UTRN: variants seen among roughly 807,000 people sequenced by gnomAD.
UTRN encodes dystrophin-related protein 1.
In UTRN, 283 loss-of-function variants were observed where a neutral mutation model predicts 463.9. That is an observed-to-expected ratio of 0.61 (90% CI 0.55 to 0.67). The LOEUF (loss-of-function observed/expected upper bound fraction) is 0.67. UTRN is among the 30% of genes least tolerant of loss of function. The probability of loss-of-function intolerance (pLI) is 0.00; values close to 1 mark genes in which losing one functional copy is unlikely to be tolerated. For missense variants in UTRN, 3,922 were observed against 4,084.3 expected (o/e 0.96, Z 1.08); for synonymous variants, 1,442 against 1,431.5 (o/e 1.01, Z -0.17).
chr6:144,632,454 CT>C (rs1204277276), intron 51 of UTRN, among the ~76,000 whole-genome samples: 6 of 151,652 alleles, frequency 4.0e-5, no homozygotes, highest in African/African-American at 1.2e-4. Context: ...TTTTTTTCTA[CT>C]TTTTTTTCCT....
chr6:144,443,596 A>G (rs1007520013), intron 13 of UTRN, among the ~76,000 whole-genome samples: 6 of 152,084 alleles, frequency 3.9e-5, no homozygotes, highest in Non-Finnish European at 2.9e-5. Context: ...GTAAAATTGT[A>G]ATAAAATGAT....
chr6:144,462,052 C>T, intron 22 of UTRN, among the ~76,000 whole-genome samples: 1 of 152,042 alleles, frequency 6.6e-6, no homozygotes, highest in East Asian at 1.9e-4. Flanking sequence ...TGATGCTTTC[C>T]CTCCCACCAT....
intron 45 of UTRN, 55 bp downstream of exon 45, chr6:144,539,498 A>T: frequency 6.6e-7 from 1 of 1,509,384 alleles, no homozygotes; most frequent in African/African-American, 1.4e-5. Context: ...TTGTTGTCAG[A>T]GATGTGGGAT....
chr6:144,761,677 AG>A (rs1444838166), intron 58 of UTRN, among the ~76,000 whole-genome samples: 1 of 151,890 alleles, frequency 6.6e-6, no homozygotes, highest in Admixed American at 6.6e-5. Context: ...TAATAAATAA[AG>A]AGAGAGAGAA....
intron 2 of UTRN, among the ~76,000 whole-genome samples, chr6:144,367,851 G>A (rs771316910): frequency 5.9e-5 from 9 of 151,954 alleles, no homozygotes; most frequent in Non-Finnish European, 1.0e-4. Context: ...GTGCGATCTC[G>A]GCTCACTCCA....
intron 3 of UTRN, among the ~76,000 whole-genome samples, chr6:144,413,696 T>C (rs1784114704): frequency 6.6e-6 from 1 of 152,214 alleles, no homozygotes; most frequent in African/African-American, 2.4e-5. Context: ...TGCTTTCAGT[T>C]GTAGAAATGT....
At chr6:144,362,977 G>T (rs541885106) in intron 2 of UTRN, among the ~76,000 whole-genome samples, 1 of 151,992 alleles carries the variant, frequency 6.6e-6, no homozygotes, top group East Asian at 1.9e-4. Context: ...GTATTATGTG[G>T]GTTTGCTATT....
intron 58 of UTRN, among the ~76,000 whole-genome samples, chr6:144,758,694 A>G (rs1792287956): frequency 6.6e-6 from 1 of 152,118 alleles, no homozygotes; most frequent in Admixed American, 6.6e-5. Context: ...ATTGTCATGG[A>G]ACAGAATGAT....
At chr6:144,822,026 T>C (rs1360486572) in intron 66 of UTRN, among the ~76,000 whole-genome samples, 1 of 152,098 alleles carries the variant, frequency 6.6e-6, no homozygotes. Flanking sequence ...GTAAGAAGTA[T>C]AAAAAATGTC....
chr6:144,447,591 T>C lies in UTRN; in HGVS notation c.1723-11T>C. 6.2e-7 allele frequency: 1 copy of C among 1,611,092 alleles called. No individual in the cohort carries two copies. Among genetic ancestry groups the C allele is most frequent in the South Asian group, 1.1e-5 (1 of 89,854 alleles). ...TAAAAAGAGTCATCTAATAAATATC[T>C]GAAATACTAGATTTTGAAGGAAGAC... On this transcript the variant is annotated splice_polypyrimidine_tract_variant and intron_variant, in intron 15 of 74. Coordinates refer to ENST00000367545, the MANE Select transcript of UTRN (RefSeq NM_007124.3).
At chr6:144,330,167 C>G (rs1262433356) in intron 2 of UTRN, among the ~76,000 whole-genome samples, 1 of 152,194 alleles carries the variant, frequency 6.6e-6, no homozygotes, top group Non-Finnish European at 1.5e-5. Context: ...GTGGAGGGCA[C>G]TGGCTGAAGG....
chr6:144,822,148 A>C (rs181465302), intron 66 of UTRN, among the ~76,000 whole-genome samples: 99 of 152,232 alleles, frequency 6.5e-4, no homozygotes, highest in African/African-American at 2.3e-3. Context: ...GTGATAGTCA[A>C]TGTCTCAAAC....
intron 23 of UTRN, among the ~76,000 whole-genome samples, chr6:144,469,878 C>G (rs968213101): frequency 6.6e-6 from 1 of 151,938 alleles, no homozygotes. Flanking sequence ...TCCCTGGGTA[C>G]TTGAGATTAG....
intron 2 of UTRN, among the ~76,000 whole-genome samples, chr6:144,337,945 C>T (rs968075709): frequency 2.0e-5 from 3 of 152,122 alleles, no homozygotes; most frequent in South Asian, 2.1e-4. Context: ...TTGATGATGG[C>T]GGCTTCGATT....
At chr6:144,631,233 GAGAGGTGT>G (rs371000082) in intron 51 of UTRN, among the ~76,000 whole-genome samples, 27 of 123,692 alleles carry the variant, frequency 2.2e-4, no homozygotes, top group Non-Finnish European at 3.7e-4. Flanking sequence ...GTGTGAGAGA[GAGAGGTGT>G]GTGTGTGTGT....
chr6:144,461,451 C>A, intron 22 of UTRN, 109 bp downstream of exon 22: 1 of 1,222,864 alleles, frequency 8.2e-7, no homozygotes, highest in Non-Finnish European at 1.1e-6. Context: ...CAGTTTTGTT[C>A]ATCATTGGTG....
intron 53 of UTRN, among the ~76,000 whole-genome samples, chr6:144,705,707 T>C (rs1364937644): frequency 1.3e-5 from 2 of 152,204 alleles, no homozygotes; most frequent in African/African-American, 4.8e-5. Flanking sequence ...GTTCCATTTC[T>C]ACACAGAATT....
At chr6:144,446,276 T>G (rs1388254731) in intron 14 of UTRN, among the ~76,000 whole-genome samples, 1 of 152,220 alleles carries the variant, frequency 6.6e-6, no homozygotes, top group Admixed American at 6.5e-5. Flanking sequence ...TTTGTGTGTG[T>G]GTGTGTACTG....
intron 43 of UTRN, among the ~76,000 whole-genome samples, chr6:144,537,150 A>G (rs1381127980): frequency 1.3e-5 from 2 of 152,078 alleles, no homozygotes; most frequent in Non-Finnish European, 1.5e-5. Context: ...ACCTAATGTG[A>G]TAACATGTCA....
Sources: allele counts gnomAD v4.1 joint callset (sites outside exome capture counted in the v4.1 genomes callset), GRCh38; gene constraint gnomAD v4.1.1; transcripts MANE v1.5; gene names NCBI Gene and HGNC (gene_info 2026-07-23, HGNC 2026-07-21).